Variants in BRAF observed in about 807,000 individuals in gnomAD.
BRAF encodes serine/threonine-protein kinase B-raf.
A neutral mutation model predicts 104.6 loss-of-function variants in BRAF; 16 were observed. The observed-to-expected ratio is 0.15, with a 90% CI of 0.10 to 0.23. BRAF has a LOEUF of 0.23. BRAF is among the 10% of genes least tolerant of loss of function. The pLI is 1.00. For missense variants in BRAF, 541 were observed against 937.3 expected (o/e 0.58, Z 5.52); for synonymous variants, 310 against 341.6 (o/e 0.91, Z 1.02).
Position 140,794,359 on chromosome 7 carries a change from G to A in BRAF, c.1089C>T (p.Ser363=). ...TTATATGCACATTGGGAGCTGATGAGGATCGGTCTCGTTGCCCAAATTGAT... is the reference window on the plus strand; with the variant it reads ...TTATATGCACATTGGGAGCTGATGAAGATCGGTCTCGTTGCCCAAATTGAT... ...HRNQFGQRDR[S]SSAPNVHINT... is the part of the protein sequence containing the mutation. Residue 363 remains serine, a synonymous_variant, in exon 8 of 20, where the codon TCC becomes TCT. Transcript: ENST00000644969. 1.2e-6 allele frequency: 2 copies of A among 1,614,028 alleles called. No homozygotes were observed. The highest frequency in any genetic ancestry group is 1.7e-6 in the Non-Finnish European group (2 of 1,180,018).
chr7:140,894,708 A>G (rs540891849), intron 1 of BRAF, among the ~76,000 whole-genome samples: 7 of 152,288 alleles, frequency 4.6e-5, no homozygotes, highest in African/African-American at 1.7e-4. Context: ...CAAAGCCCCC[A>G]AAGAAAAATA....
At chr7:140,763,259 G>A (rs531269080) in intron 14 of BRAF, among the ~76,000 whole-genome samples, 254 of 151,392 alleles carry the variant, frequency 1.7e-3, no homozygotes, top group Non-Finnish European at 1.9e-3. Context: ...CCTCCCTCCC[G>A]GACGGGGTGG....
Position 140,801,454 on chromosome 7 carries a change from C to T in BRAF, c.818G>A (p.Ser273Asn), listed in dbSNP as rs2129044290. 1 of 1,613,968 alleles carries T rather than the reference C, an allele frequency of 6.2e-7. No homozygotes were observed. The highest frequency in any genetic ancestry group is 8.5e-7 in the Non-Finnish European group (1 of 1,179,908). ...AACACACATCAGTGGAACTTCTGTA[C>T]TACAACGCTGGTGAAATTTATAACC... ...TCGYKFHQRC[S>N]TEVPLMCVNY... The change falls in exon 6 of 20, where the codon AGT becomes AAT. Residue 273 changes from serine to asparagine, a missense_variant. Ser to Asn is a conservative substitution (Grantham distance 46). Coordinates refer to ENST00000644969, the MANE Select transcript of BRAF (RefSeq NM_001374258.1).
At chr7:140,907,267 C>A (rs908537346) in intron 1 of BRAF, among the ~76,000 whole-genome samples, 1 of 152,028 alleles carries the variant, frequency 6.6e-6, no homozygotes, top group Non-Finnish European at 1.5e-5. Context: ...TTTTTCCCCC[C>A]CTTTTCTTTT....
intron 14 of BRAF, among the ~76,000 whole-genome samples, chr7:140,756,749 G>C (rs1798236881): frequency 6.6e-6 from 1 of 152,154 alleles, no homozygotes; most frequent in Non-Finnish European, 1.5e-5. Flanking sequence ...TACTAGGAAA[G>C]AACAAATATG....
chr7:140,922,780 A>G (rs1192852796), intron 1 of BRAF, among the ~76,000 whole-genome samples: 2 of 152,226 alleles, frequency 1.3e-5, no homozygotes, highest in African/African-American at 4.8e-5. Flanking sequence ...AAAGGAAACA[A>G]AGATGTTTAT....
intron 1 of BRAF, among the ~76,000 whole-genome samples, chr7:140,880,964 A>G (rs1338384054): frequency 6.6e-6 from 1 of 152,190 alleles, no homozygotes; most frequent in Non-Finnish European, 1.5e-5. Context: ...TCTCAAAACA[A>G]AAAAAGCACA....
rs572349970 is a variant in BRAF, at chr7:140,777,885, A to G, written c.1637+106T>C. Reference sequence around the variant, plus strand: ...AGACATACTCTGTTTCTACAAATTTATTCATTTTGAGTAAATCTGTAAAGC... The same window carrying G: ...AGACATACTCTGTTTCTACAAATTTGTTCATTTTGAGTAAATCTGTAAAGC... On this transcript the variant is annotated intron_variant, in intron 13 of 19. Transcript: ENST00000644969. The G allele has an allele frequency of 3.4e-5, 38 of 1,117,426 alleles. No homozygotes were observed. The South Asian group carries it at 4.2e-4, about 12-fold the overall frequency. The allele number at this position is 1,117,426 out of a possible 1,614,324, so 69.2% of individuals were successfully genotyped here.
At chr7:140,835,104 A>G (rs1442874173) in intron 2 of BRAF, 4 of 546,468 alleles carry the variant, frequency 7.3e-6, no homozygotes, top group African/African-American at 1.9e-5. Context: ...TTTGACCTAT[A>G]CATATGTGAT....
At chr7:140,824,261 T>C (rs1192320977) in intron 3 of BRAF, 1 of 152,260 alleles carries the variant, frequency 6.6e-6, no homozygotes, top group Non-Finnish European at 1.5e-5. Context: ...TTTCTTGTAG[T>C]AAAAGTTTTA....
chr7:140,777,531 G>C (rs999524284), intron 13 of BRAF, among the ~76,000 whole-genome samples: 1 of 152,052 alleles, frequency 6.6e-6, no homozygotes, highest in Non-Finnish European at 1.5e-5. Context: ...GAACATAACA[G>C]CCTTCTGTGA....
rs551211923 is a variant in BRAF at position 140,874,204 on chromosome 7, C to CT, written c.139-23993dup. ...CATCAGTGAGTTTACATTTTACATA[C>CT]TTTTTTTTTTTTTTTTTTGAAATGG... On this transcript the variant is annotated intron_variant, in intron 1 of 19. Coordinates refer to ENST00000644969, the MANE Select transcript of BRAF (RefSeq NM_001374258.1). Among the ~76,000 whole-genome samples the CT allele has an allele frequency of 4.6e-3, 628 of 137,648 alleles. 4 individuals are homozygous for CT. Among genetic ancestry groups the CT allele is most frequent in the African/African-American group, 0.013 (484 of 36,826 alleles). 90.3% of individuals were successfully genotyped at this position (137,648 alleles called of 152,430 possible).
chr7:140,750,066 A>G (rs1562939566), intron 16 of BRAF, among the ~76,000 whole-genome samples: 1 of 152,180 alleles, frequency 6.6e-6, no homozygotes, highest in East Asian at 1.9e-4. Context: ...TGAAACAATC[A>G]TATTTGCTAC....
Position 140,847,187 on chromosome 7 carries a change from G to A in BRAF, c.240+2924C>T, listed in dbSNP as rs77518225. On this transcript the variant is annotated intron_variant, in intron 2 of 19. Coordinates refer to ENST00000644969, the MANE Select transcript of BRAF (RefSeq NM_001374258.1). ...ATAAAAAAATAAAATGGTGATAAGT[G>A]CAATGTTCTAAAACTCATTTATATG... 7.7e-3 allele frequency among the ~76,000 whole-genome samples: 1,166 copies of A among 152,046 alleles called. 18 individuals carry two copies. The highest frequency in any genetic ancestry group is 0.027 in the African/African-American group (1,103 of 41,486).
chr7:140,804,105 T>G (rs1803405964), intron 5 of BRAF, among the ~76,000 whole-genome samples: 1 of 152,174 alleles, frequency 6.6e-6, no homozygotes, highest in South Asian at 2.1e-4. Context: ...CAGGCTGGTC[T>G]CAAACTCCTG....
intron 14 of BRAF, among the ~76,000 whole-genome samples, chr7:140,764,711 G>A (rs929951493): frequency 5.9e-5 from 9 of 152,146 alleles, no homozygotes; most frequent in Non-Finnish European, 1.2e-4. Flanking sequence ...GCTTCAAAGA[G>A]AATAAAATAC....
chr7:140,849,515 A>T (rs1177498869), intron 2 of BRAF, among the ~76,000 whole-genome samples: 3 of 133,614 alleles, frequency 2.2e-5, no homozygotes, highest in East Asian at 2.2e-4. Context: ...CTTTCTCTTT[A>T]AAAAAAAAAA....
chr7:140,904,767 C>T (rs1249779369), intron 1 of BRAF, among the ~76,000 whole-genome samples: 1 of 152,098 alleles, frequency 6.6e-6, no homozygotes, highest in South Asian at 2.1e-4. Flanking sequence ...CACCACCACG[C>T]CCAGCTAATT....
Position 140,733,973 on chromosome 7 carries a change from C to T in BRAF, c.2401+644G>A, listed in dbSNP as rs559758711. ...AGACATTTTACTCATGTCAAACGTG[C>T]CACTCCTCAGCAATATTTTTGGTCA... On this transcript the variant is annotated intron_variant, in intron 19 of 19. Coordinates refer to ENST00000644969, the MANE Select transcript of BRAF (RefSeq NM_001374258.1). 3.0e-4 allele frequency: 303 copies of T among 1,020,716 alleles called. No homozygotes were observed. In the African/African-American group the frequency reaches 4.7e-3, roughly 16 times the overall value. 63.2% of individuals were successfully genotyped at this position (1,020,716 alleles called of 1,614,324 possible).
Sources: allele counts gnomAD v4.1 joint callset (sites outside exome capture counted in the v4.1 genomes callset), GRCh38; gene constraint gnomAD v4.1.1; transcripts MANE v1.5; gene names NCBI Gene and HGNC (gene_info 2026-07-23, HGNC 2026-07-21).